The following SMCHD1 variants were observed in gnomAD, a reference collection of about 807,000 sequenced individuals.
SMCHD1 encodes structural maintenance of chromosomes flexible hinge domain-containing protein 1.
SMCHD1 carries 78 observed loss-of-function variants against 254.7 expected under a neutral mutation model. The ratio of observed to expected loss-of-function variants is 0.31; its 90% CI spans 0.26 to 0.37. The LOEUF (loss-of-function observed/expected upper bound fraction) is 0.37, where lower values mean the gene tolerates loss of function less well. Among genes scored for constraint, SMCHD1 ranks in the 10% least tolerant of loss-of-function variants. The pLI is 1.00. For synonymous variants in SMCHD1, 766 were observed against 794.9 expected, an observed-to-expected ratio of 0.96 and a Z score of 0.61; for missense variants, 1,840 against 2,408.1, an observed-to-expected ratio of 0.76 and a Z score of 4.94.
chr18:2,802,486 C>T (rs373008188), intron 47 of SMCHD1, 42 bp from the exon 48 acceptor site: 20 of 1,515,912 alleles, frequency 1.3e-5, no homozygotes, highest in Non-Finnish European at 1.6e-5. Flanking sequence ...GGAAAGGAAA[C>T]CTTTGGTACA....
intron 1 of SMCHD1, among the ~76,000 whole-genome samples, chr18:2,656,599 G>A (rs2073067262): frequency 6.6e-6 from 1 of 152,274 alleles, no homozygotes; most frequent in African/African-American, 2.4e-5. Context: ...TCTAGGGAAA[G>A]CCGTTGGTGG....
intron 45 of SMCHD1, among the ~76,000 whole-genome samples, chr18:2,785,519 A>G (rs148752611): frequency 0.19 from 29,280 of 151,634 alleles, 3,062 homozygotes; most frequent in Admixed American, 0.26. Flanking sequence ...GGGCGTGGTG[A>G]CACGCACCTG....
At chr18:2,728,041 C>T (rs1407710008) in intron 22 of SMCHD1, among the ~76,000 whole-genome samples, 9 of 152,058 alleles carry the variant, frequency 5.9e-5, no homozygotes, top group Non-Finnish European at 8.8e-5. Context: ...CATGTCATTA[C>T]AAGAACTAAT....
At chr18:2,707,207 A>G (rs2074536821) in intron 15 of SMCHD1, among the ~76,000 whole-genome samples, 1 of 152,128 alleles carries the variant, frequency 6.6e-6, no homozygotes, top group Non-Finnish European at 1.5e-5. Flanking sequence ...TTCTTCTTGT[A>G]TAGCTAATGA....
intron 12 of SMCHD1, 111 bp from the exon 13 acceptor site, chr18:2,703,581 T>G: frequency 1.3e-6 from 1 of 799,852 alleles, no homozygotes; most frequent in Non-Finnish European, 2.0e-6. Context: ...TTTTATTAGG[T>G]TTTCTGAATT....
rs1390520275 is a variant in SMCHD1 at position 2,656,201 on chromosome 18, C to G, written c.126C>G (p.Asp42Glu). Residue 42 changes from aspartate to glutamate, a missense_variant, in exon 1 of 48, where the codon GAC becomes GAG. Physicochemically the swap from Asp to Glu is conservative, Grantham distance 45 (BLOSUM62 2). This residue lies in a region of SMCHD1 where 115 missense variants were observed against 99.1 expected (regional missense o/e 1.16). Transcript: ENST00000320876. The stretch of plus-strand genomic sequence containing the variant: ...GCGAAAAGGAGTCCGAGCTCGGGGA[C>G]CGGCCTCTGCAGGTCGGGGAGCGCT... ...DRREKESELGDRPLQVGERSD... is the reference protein window; with the variant it reads ...DRREKESELGERPLQVGERSD... 1 of 1,504,062 alleles carries G rather than the reference C, an allele frequency of 6.6e-7. No individual in the cohort carries two copies. The highest frequency in any genetic ancestry group is 1.5e-5 in the African/African-American group (1 of 67,898). The allele number at this position is 1,504,062 out of a possible 1,614,324, so 93.2% of individuals were successfully genotyped here. A position where few individuals can be genotyped will look rare whatever the true frequency, so the allele number is the denominator to read the frequency against.
At position 2,802,862 on chromosome 18, in the gene SMCHD1, T is replaced by TTTA. The variant is rs1230717247; in HGVS notation, c.*314_*316dup. On this transcript the variant is annotated 3_prime_UTR_variant, in exon 48 of 48. Coordinates refer to ENST00000320876, the MANE Select transcript of SMCHD1 (RefSeq NM_015295.3). ...GTGACTGTAAAACTGGCACATGGCA[T>TTTA]TTATTAATCCTGAAGAAAAGTACAT... 1 of 282,214 alleles carries TTTA rather than the reference T, an allele frequency of 3.5e-6. No individual in the cohort carries two copies. Among genetic ancestry groups the TTTA allele is most frequent in the East Asian group, 6.1e-5 (1 of 16,304 alleles). The allele number at this position is 282,214 out of a possible 1,614,324, so 17.5% of individuals were successfully genotyped here.
In SMCHD1 at chr18:2,707,610, T is replaced by C. The variant is rs1367288064; in HGVS notation, c.2111T>C (p.Leu704Ser). 6.2e-7 allele frequency: 1 copy of C among 1,609,728 alleles called. No individual in the cohort carries two copies. The highest frequency in any genetic ancestry group is 8.5e-7 in the Non-Finnish European group (1 of 1,177,442). ...SVTWPEGDEL[L>S]PNEVRPAGTP... Reference sequence around the variant, plus strand: ...ACTTGGCCTGAAGGAGATGAATTATTGCCTAATGAGGTTAGGCCTGCTGGA... The same window carrying C: ...ACTTGGCCTGAAGGAGATGAATTATCGCCTAATGAGGTTAGGCCTGCTGGA... Residue 704 changes from leucine to serine, a missense_variant, in exon 16 of 48, where the codon TTG becomes TCG. Transcript: ENST00000320876.
chr18:2,701,809 G>A (rs1389989211), intron 12 of SMCHD1, among the ~76,000 whole-genome samples: 2 of 152,044 alleles, frequency 1.3e-5, no homozygotes, highest in African/African-American at 4.8e-5. Context: ...GTAGTTTAAT[G>A]TTGAATTGCC....
chr18:2,655,948 C>A lies in SMCHD1; in HGVS notation c.-128C>A. On this transcript the variant is annotated 5_prime_UTR_variant, in exon 1 of 48. It adds an upstream start codon to the 5' untranslated region. Transcript: ENST00000320876. Reference sequence around the variant, plus strand: ...CTCGGCCGCCGCCGCTGACGAGGAGCTGCAGCGCGCCGGGCCGAGGCCTCG... The same window carrying A: ...CTCGGCCGCCGCCGCTGACGAGGAGATGCAGCGCGCCGGGCCGAGGCCTCG... 2 of 655,248 alleles carry A rather than the reference C, an allele frequency of 3.1e-6. No individual in the cohort carries two copies. Among genetic ancestry groups the A allele is most frequent in the East Asian group, 3.5e-5 (1 of 28,244 alleles). The allele number at this position is 655,248 out of a possible 1,614,324, so 40.6% of individuals were successfully genotyped here.
At chr18:2,665,664 G>A (rs2073415975) in intron 1 of SMCHD1, among the ~76,000 whole-genome samples, 3 of 152,078 alleles carry the variant, frequency 2.0e-5, no homozygotes, top group South Asian at 4.1e-4. Flanking sequence ...AAAGTTATTC[G>A]TTTGAATGGA....
chr18:2,795,821 T>A (rs2076253154), intron 45 of SMCHD1, 128 bp from the exon 46 acceptor site: 1 of 645,072 alleles, frequency 1.6e-6, no homozygotes, highest in Non-Finnish European at 2.5e-6. Flanking sequence ...ATTGAATGTT[T>A]TATGGCTTTA....
At chr18:2,751,442 A>C in intron 33 of SMCHD1, 49 bp downstream of exon 33, 1 of 1,012,086 alleles carries the variant, frequency 9.9e-7, no homozygotes, top group African/African-American at 1.7e-5. Flanking sequence ...TCTTACATTT[A>C]ACTTAAAACT....
chr18:2,679,805 G>A (rs1029413092), intron 5 of SMCHD1, among the ~76,000 whole-genome samples: 1 of 151,942 alleles, frequency 6.6e-6, no homozygotes, highest in African/African-American at 2.4e-5. Flanking sequence ...TTTTCTCTAA[G>A]TATTCTTTCT....
intron 7 of SMCHD1, among the ~76,000 whole-genome samples, chr18:2,691,379 C>T (rs1171703890): frequency 6.6e-6 from 1 of 152,198 alleles, no homozygotes; most frequent in African/African-American, 2.4e-5. Context: ...AGTACCTGGT[C>T]TGTTTCCTTT....
intron 35 of SMCHD1, 88 bp downstream of exon 35, chr18:2,760,827 C>T: frequency 1.6e-6 from 1 of 626,716 alleles, no homozygotes; most frequent in Non-Finnish European, 2.8e-6. Flanking sequence ...AATAGCTTCA[C>T]ATTTTCTCAT....
intron 45 of SMCHD1, among the ~76,000 whole-genome samples, chr18:2,794,928 C>T (rs1039151303): frequency 2.6e-5 from 4 of 151,940 alleles, no homozygotes; most frequent in Admixed American, 6.5e-5. Context: ...GGAAATTTTC[C>T]CAGGTCATTA....
At chr18:2,760,928 AAT>A (rs777004147) in intron 35 of SMCHD1, among the ~76,000 whole-genome samples, 189 bp downstream of exon 35, 2 of 152,220 alleles carry the variant, frequency 1.3e-5, no homozygotes, top group Non-Finnish European at 2.9e-5. Flanking sequence ...ATTAGTATAT[AAT>A]ATGTTTAAAT....
chr18:2,756,498 G>A (rs1273245366), intron 34 of SMCHD1, among the ~76,000 whole-genome samples: 1 of 152,184 alleles, frequency 6.6e-6, no homozygotes, highest in Non-Finnish European at 1.5e-5. Context: ...TTTGTGGGGG[G>A]AAGGTTTTAG....
Sources: allele counts gnomAD v4.1 joint callset (sites outside exome capture counted in the v4.1 genomes callset), GRCh38; gene constraint gnomAD v4.1.1; regional missense constraint gnomAD v4.1.1; transcripts MANE v1.5; gene names NCBI Gene and HGNC (gene_info 2026-07-23, HGNC 2026-07-21).